The following ATP9B variants were observed in gnomAD, a reference collection of about 807,000 sequenced individuals.
The protein encoded by ATP9B is ATPase phospholipid transporting 9B, also known as probable phospholipid-transporting ATPase IIB.
A neutral mutation model predicts 146.1 loss-of-function variants in ATP9B; 110 were observed. The observed-to-expected ratio is 0.75, with a 90% CI of 0.65 to 0.88. The LOEUF is 0.88. ATP9B is among the 40% of genes least tolerant of loss of function. The pLI is 0.00. For synonymous variants in ATP9B, 604 were observed against 569.7 expected (o/e 1.06, Z -0.86); for missense variants, 1,499 against 1,496.4 (o/e 1.00, Z -0.03).
At chr18:79,338,155 A>G (rs1297529699) in intron 19 of ATP9B, among the ~76,000 whole-genome samples, 1 of 152,176 alleles carries the variant, frequency 6.6e-6, no homozygotes, top group Non-Finnish European at 1.5e-5. Flanking sequence ...TGTTCATTTT[A>G]TTGATGTTTT....
At chr18:79,293,138 A>G (rs1347914703) in intron 13 of ATP9B, among the ~76,000 whole-genome samples, 1 of 151,078 alleles carries the variant, frequency 6.6e-6, no homozygotes. Flanking sequence ...GGGCAACTAG[A>G]TATCCCATGC....
intron 9 of ATP9B, among the ~76,000 whole-genome samples, chr18:79,203,742 T>C (rs1436045837): frequency 6.6e-6 from 1 of 152,212 alleles, no homozygotes; most frequent in Admixed American, 6.5e-5. Flanking sequence ...TAATGCCAAC[T>C]GTATGCTCAA....
intron 5 of ATP9B, among the ~76,000 whole-genome samples, chr18:79,139,312 T>TATC (rs2094485690): frequency 6.6e-6 from 1 of 152,224 alleles, no homozygotes; most frequent in Non-Finnish European, 1.5e-5. Context: ...TTATTATCAT[T>TATC]ATCAAGTCTG....
chr18:79,322,862 T>C (rs1047927713), intron 15 of ATP9B, among the ~76,000 whole-genome samples: 3 of 152,234 alleles, frequency 2.0e-5, no homozygotes, highest in African/African-American at 4.8e-5. Flanking sequence ...AAGTTAAATA[T>C]GGTACTTCAG....
intron 19 of ATP9B, among the ~76,000 whole-genome samples, chr18:79,339,391 T>TA (rs2096845480): frequency 6.8e-6 from 1 of 147,722 alleles, no homozygotes; most frequent in Non-Finnish European, 1.5e-5. Context: ...GTAGGAAGTG[T>TA]GCATGATTGC....
chr18:79,171,481 A>C (rs1300699967), intron 7 of ATP9B, among the ~76,000 whole-genome samples: 1 of 152,204 alleles, frequency 6.6e-6, no homozygotes, highest in Non-Finnish European at 1.5e-5. Context: ...CTTTTTTAAA[A>C]ATACATTTTA....
At chr18:79,110,563 G>T in intron 3 of ATP9B, 58 bp downstream of exon 3, 2 of 1,520,022 alleles carry the variant, frequency 1.3e-6, no homozygotes. Context: ...GGCTTCCTTT[G>T]CTATAGGATG....
At chr18:79,100,254 G>A (rs1206249254) in intron 2 of ATP9B, among the ~76,000 whole-genome samples, 1 of 152,202 alleles carries the variant, frequency 6.6e-6, no homozygotes, top group East Asian at 1.9e-4. Flanking sequence ...GTTGTTAAGT[G>A]CACTGCTCTG....
chr18:79,359,480 G>A lies in ATP9B; in HGVS notation c.3012+18G>A. On this transcript the variant is annotated intron_variant, in intron 26 of 29. Coordinates refer to ENST00000426216, the MANE Select transcript of ATP9B (RefSeq NM_198531.5). Reference sequence around the variant, plus strand: ...TCACCAAGGTACGGGCCTCAGGCAAGCTGTCTGCCTCACGACTAGCACCCA... The same window carrying A: ...TCACCAAGGTACGGGCCTCAGGCAAACTGTCTGCCTCACGACTAGCACCCA... 6.3e-7 allele frequency: 1 copy of A among 1,581,510 alleles called. No individual in the cohort carries two copies. Among genetic ancestry groups the A allele is most frequent in the South Asian group, 1.1e-5 (1 of 90,222 alleles).
chr18:79,292,669 T>TA (rs11388848), intron 13 of ATP9B, among the ~76,000 whole-genome samples: 102,604 of 143,888 alleles, frequency 0.71, 36,886 homozygotes, highest in African/African-American at 0.85. Flanking sequence ...ATTTCTTCTT[T>TA]AAAAAAAAAA....
At chr18:79,320,149 A>G (rs546576364) in intron 15 of ATP9B, among the ~76,000 whole-genome samples, 16 of 152,300 alleles carry the variant, frequency 1.1e-4, no homozygotes, top group African/African-American at 3.8e-4. Context: ...GAGATCTTTT[A>G]GCTTTCATTT....
intron 13 of ATP9B, among the ~76,000 whole-genome samples, chr18:79,283,747 C>T (rs765899371): frequency 7.2e-5 from 11 of 152,210 alleles, no homozygotes; most frequent in Admixed American, 3.3e-4. Flanking sequence ...ACCAGAAATA[C>T]TCGACGCCGG....
intron 11 of ATP9B, 127 bp from the exon 12 acceptor site, chr18:79,253,254 T>C (rs906706244): frequency 2.5e-6 from 2 of 797,720 alleles, no homozygotes; most frequent in Non-Finnish European, 3.8e-6. Context: ...CATATTTCAT[T>C]ATAATAAAGG....
intron 13 of ATP9B, among the ~76,000 whole-genome samples, chr18:79,293,645 T>G (rs756465421): frequency 1.3e-5 from 2 of 152,186 alleles, no homozygotes; most frequent in Non-Finnish European, 2.9e-5. Context: ...AATAAATTCC[T>G]TTTTAAAATT....
chr18:79,148,774 A>G (rs2094634033), intron 6 of ATP9B, among the ~76,000 whole-genome samples: 1 of 152,248 alleles, frequency 6.6e-6, no homozygotes. Context: ...CAGATGACAT[A>G]ACTACGTATA....
intron 15 of ATP9B, among the ~76,000 whole-genome samples, chr18:79,323,555 C>T (rs2096727825): frequency 6.6e-6 from 1 of 152,120 alleles, no homozygotes; most frequent in African/African-American, 2.4e-5. Flanking sequence ...TGAGAAGACC[C>T]AGTGTTTGTC....
In ATP9B at chr18:79,337,286, A is replaced by T. The variant is rs1459468412; in HGVS notation, c.2120A>T (p.Tyr707Phe). Reference protein sequence around the residue: ...EEQYQDFESRYTQAKLSMHDR... With the variant: ...EEQYQDFESRFTQAKLSMHDR... ...CTCCCCCTCTGTCCCCAGAGCCGAT[A>T]CACTCAAGCCAAGCTGAGCATGCAC... Residue 707 changes from tyrosine (Y) to phenylalanine (F), a missense_variant, in exon 19 of 30, where the codon TAC becomes TTC. Tyr to Phe is a conservative substitution (Grantham distance 22, BLOSUM62 3). Coordinates refer to ENST00000426216, the MANE Select transcript of ATP9B (RefSeq NM_198531.5). 6.2e-7 allele frequency: 1 copy of T among 1,613,898 alleles called. No homozygotes were observed. Among genetic ancestry groups the T allele is most frequent in the Non-Finnish European group, 8.5e-7 (1 of 1,179,952 alleles).
chr18:79,113,457 T>C, intron 4 of ATP9B, 103 bp downstream of exon 4: 2 of 772,726 alleles, frequency 2.6e-6, no homozygotes, highest in Non-Finnish European at 4.2e-6. Context: ...TTTTAAAACA[T>C]GGTGTTGTAG....
intron 20 of ATP9B, among the ~76,000 whole-genome samples, chr18:79,343,436 A>C (rs1053482271): frequency 6.6e-5 from 10 of 152,248 alleles, no homozygotes; most frequent in Admixed American, 4.6e-4. Flanking sequence ...AACCACTTAC[A>C]TTGGTTTCTG....
Sources: allele counts gnomAD v4.1 joint callset (sites outside exome capture counted in the v4.1 genomes callset), GRCh38; gene constraint gnomAD v4.1.1; transcripts MANE v1.5; gene names NCBI Gene and HGNC (gene_info 2026-07-23, HGNC 2026-07-21).